CLYBL: variants seen among roughly 807,000 people sequenced by gnomAD.
CLYBL encodes the protein citramalyl-CoA lyase.
In CLYBL, 31 loss-of-function variants were observed where a neutral mutation model predicts 38.9. The observed-to-expected ratio is 0.80, with a 90% CI of 0.60 to 1.08. CLYBL has a LOEUF of 1.08. Among genes scored for constraint, CLYBL ranks in the 50% least tolerant of loss-of-function variants. CLYBL has a pLI of 0.00. For missense variants in CLYBL, 434 were observed against 411.6 expected, an observed-to-expected ratio of 1.05 and a Z score of -0.47; for synonymous variants, 171 against 158.6, an observed-to-expected ratio of 1.08 and a Z score of -0.59.
chr13:99,688,944 C>T (rs1442437429), intron 1 of CLYBL, among the ~76,000 whole-genome samples: 1 of 152,160 alleles, frequency 6.6e-6, no homozygotes, highest in Admixed American at 6.5e-5. Flanking sequence ...CTGACAAAAG[C>T]TAGTGGTACA....
At chr13:99,834,056 G>C (rs1341459810) in intron 2 of CLYBL, among the ~76,000 whole-genome samples, 1 of 152,066 alleles carries the variant, frequency 6.6e-6, no homozygotes, top group East Asian at 1.9e-4. Flanking sequence ...CCTTGGAAGT[G>C]GGAGGGATAA....
chr13:99,784,722 G>A (rs2049747382), intron 2 of CLYBL, among the ~76,000 whole-genome samples: 1 of 151,960 alleles, frequency 6.6e-6, no homozygotes. Flanking sequence ...CCGAAGTGCT[G>A]GGATTATAGG....
intron 2 of CLYBL, among the ~76,000 whole-genome samples, chr13:99,817,965 C>G (rs2050494374): frequency 6.6e-6 from 1 of 151,278 alleles, no homozygotes; most frequent in African/African-American, 2.4e-5. Flanking sequence ...GATCACACCA[C>G]TGCACTCAGC....
chr13:99,607,495 C>T (rs2046545971), intron 1 of CLYBL, among the ~76,000 whole-genome samples: 1 of 152,156 alleles, frequency 6.6e-6, no homozygotes, highest in South Asian at 2.1e-4. Context: ...GTCTCAGGGA[C>T]CCCCTCAGGT....
intron 2 of CLYBL, among the ~76,000 whole-genome samples, chr13:99,790,324 A>G (rs1305918765): frequency 6.6e-6 from 1 of 152,174 alleles, no homozygotes; most frequent in Non-Finnish European, 1.5e-5. Flanking sequence ...ATGTTTTTGC[A>G]GTGGCTGGTA....
At chr13:99,768,071 C>T (rs1000042738) in intron 1 of CLYBL, among the ~76,000 whole-genome samples, 1 of 151,916 alleles carries the variant, frequency 6.6e-6, no homozygotes, top group East Asian at 1.9e-4. Context: ...AAATCAGATT[C>T]TCCCCCTCCC....
intron 2 of CLYBL, among the ~76,000 whole-genome samples, chr13:99,833,683 CTTTTTTTTT>C (rs35378080): frequency 5.3e-5 from 3 of 56,114 alleles, no homozygotes; most frequent in Admixed American, 2.8e-4. Flanking sequence ...TACCGTGTTG[CTTTTTTTTT>C]TTTTTTTTTT....
In CLYBL at chr13:99,864,838, G is replaced by C. The variant is rs147737718; in HGVS notation, c.561G>C (p.Leu187=). The C allele has an allele frequency of 4.6e-4, 745 of 1,613,902 alleles. 9 individuals carry two copies. In the African/African-American group the frequency reaches 8.8e-3, roughly 19 times the overall value. The change falls in exon 5 of 9, where the codon CTG becomes CTC. Residue 187 remains leucine (L), a synonymous_variant. Transcript: ENST00000339105. Reference sequence around the variant, plus strand: ...TACAGGCAGTGTGTGAAGAAACCCTGAAGGTCGGGCCTCAAGTAGGTCTCT... The same window carrying C: ...TACAGGCAGTGTGTGAAGAAACCCTCAAGGTCGGGCCTCAAGTAGGTCTCT... ...LNFKAVCEET[L]KVGPQVGLFL... is the part of the protein sequence containing the mutation.
At chr13:99,665,846 G>A (rs1053022774) in intron 1 of CLYBL, among the ~76,000 whole-genome samples, 2 of 152,162 alleles carry the variant, frequency 1.3e-5, no homozygotes, top group Non-Finnish European at 2.9e-5. Flanking sequence ...TTCTCAGATC[G>A]TGCACCGTTC....
downstream of CLYBL, among the ~76,000 whole-genome samples, chr13:99,900,861 T>G (rs1450793144): frequency 2.0e-5 from 3 of 152,106 alleles, no homozygotes; most frequent in Admixed American, 6.5e-5. Context: ...GCAAAGATAC[T>G]CGAATTCATC....
At chr13:99,759,468 C>T (rs180756755) in intron 1 of CLYBL, among the ~76,000 whole-genome samples, 61 of 152,244 alleles carry the variant, frequency 4.0e-4, no homozygotes, top group Admixed American at 1.4e-3. Context: ...GTGAGTTCTA[C>T]GCACCCAAGT....
intron 1 of CLYBL, among the ~76,000 whole-genome samples, chr13:99,767,046 G>A (rs925949303): frequency 1.3e-5 from 2 of 152,214 alleles, no homozygotes; most frequent in African/African-American, 4.8e-5. Context: ...TTAAGGCAGA[G>A]CAGGCCTCCT....
downstream of CLYBL, among the ~76,000 whole-genome samples, chr13:99,901,471 T>C (rs989785938): frequency 2.0e-5 from 3 of 152,094 alleles, no homozygotes; most frequent in Admixed American, 6.5e-5. Flanking sequence ...ACAGGACATT[T>C]ACGGTGTCCA....
chr13:99,781,996 G>C (rs1269416348), intron 2 of CLYBL, among the ~76,000 whole-genome samples: 1 of 152,054 alleles, frequency 6.6e-6, no homozygotes, highest in Non-Finnish European at 1.5e-5. Flanking sequence ...CAATATTTTA[G>C]TTATCTCTCT....
chr13:99,709,534 A>G (rs1361474144), intron 1 of CLYBL, among the ~76,000 whole-genome samples: 3 of 152,188 alleles, frequency 2.0e-5, no homozygotes, highest in African/African-American at 4.8e-5. Context: ...ACAAAATAGC[A>G]TACAAAAAAG....
chr13:99,608,534 A>G (rs995252650), intron 1 of CLYBL, among the ~76,000 whole-genome samples: 7 of 152,092 alleles, frequency 4.6e-5, no homozygotes, highest in Admixed American at 2.0e-4. Flanking sequence ...CAGGCAGTGT[A>G]TCCAGGCTGG....
intron 6 of CLYBL, among the ~76,000 whole-genome samples, chr13:99,870,415 AT>A (rs2051853782): frequency 6.6e-6 from 1 of 152,354 alleles, no homozygotes; most frequent in South Asian, 2.1e-4. Flanking sequence ...GCTGTATTTG[AT>A]AGTAATATAG....
intron 1 of CLYBL, among the ~76,000 whole-genome samples, chr13:99,654,391 G>A (rs1408543578): frequency 2.0e-5 from 3 of 152,166 alleles, no homozygotes; most frequent in Non-Finnish European, 4.4e-5. Context: ...GGGCAAAGAG[G>A]AGGGGCTGGC....
In CLYBL at chr13:99,805,667, T is replaced by A. The variant is rs114475638; in HGVS notation, c.249+32657T>A. Among the ~76,000 whole-genome samples the A allele has an allele frequency of 2.4e-3, 364 of 152,230 alleles. 1 individual carries two copies. The highest frequency in any genetic ancestry group is 8.3e-3 in the African/African-American group (344 of 41,544). On this transcript the variant is annotated intron_variant, in intron 2 of 8. Transcript: ENST00000339105. ...CTTTTGCATCCATTAACTTATTTAA[T>A]CATCAAAACAACTCAGCAGGTGCCC...
Sources: allele counts gnomAD v4.1 joint callset (sites outside exome capture counted in the v4.1 genomes callset), GRCh38; gene constraint gnomAD v4.1.1; transcripts MANE v1.5; gene names NCBI Gene and HGNC (gene_info 2026-07-23, HGNC 2026-07-21).